AKAP13: variants seen among roughly 807,000 people sequenced by gnomAD.
AKAP13 encodes the protein A-kinase anchoring protein 13.
AKAP13 carries 80 observed loss-of-function variants against 264.5 expected under a neutral mutation model. That is an observed-to-expected ratio of 0.30 (90% CI 0.25 to 0.36). The LOEUF (loss-of-function observed/expected upper bound fraction) is 0.36. Among genes scored for constraint, AKAP13 ranks in the 10% least tolerant of loss-of-function variants. The pLI is 1.00. For missense variants in AKAP13, 3,712 were observed against 3,435.2 expected, an observed-to-expected ratio of 1.08 and a Z score of -2.01; for synonymous variants, 1,380 against 1,250.2, an observed-to-expected ratio of 1.10 and a Z score of -2.19.
chr15:85,622,036 G>C (rs1407735789), intron 8 of AKAP13, among the ~76,000 whole-genome samples: 1 of 152,144 alleles, frequency 6.6e-6, no homozygotes, highest in East Asian at 1.9e-4. Flanking sequence ...TTTGGTGTTA[G>C]TTTCTTTGCT....
intron 2 of AKAP13, among the ~76,000 whole-genome samples, chr15:85,491,307 C>T (rs928955385): frequency 4.0e-4 from 61 of 151,978 alleles, no homozygotes; most frequent in African/African-American, 1.4e-3. Flanking sequence ...CTTAGGGATA[C>T]TGGGATTTAT....
intron 8 of AKAP13, among the ~76,000 whole-genome samples, chr15:85,609,929 C>T (rs577925247): frequency 1.9e-4 from 29 of 152,274 alleles, no homozygotes; most frequent in African/African-American, 6.7e-4. Context: ...TGAAATTCTG[C>T]TTTTCATCTG....
chr15:85,603,556 GT>G (rs969593173), intron 8 of AKAP13, among the ~76,000 whole-genome samples: 6 of 152,140 alleles, frequency 3.9e-5, no homozygotes, highest in African/African-American at 1.4e-4. Context: ...TAGCTCCTTG[GT>G]TTTTAAACTT....
chr15:85,439,652 G>A (rs1333261196), intron 1 of AKAP13, among the ~76,000 whole-genome samples: 17 of 143,556 alleles, frequency 1.2e-4, no homozygotes, highest in Non-Finnish European at 9.1e-5. Flanking sequence ...AAAAAATGAT[G>A]AGTTCATGTC....
At chr15:85,569,456 T>C (rs200384826) in intron 5 of AKAP13, among the ~76,000 whole-genome samples, 125 of 97,552 alleles carry the variant, frequency 1.3e-3, no homozygotes, top group East Asian at 4.9e-3. Context: ...CTTTTCTTTT[T>C]TTTTTTTTTT....
chr15:85,431,973 G>C (rs2150926757), intron 1 of AKAP13, among the ~76,000 whole-genome samples: 1 of 152,212 alleles, frequency 6.6e-6, no homozygotes, highest in South Asian at 2.1e-4. Context: ...GTGCAGATCT[G>C]GGATTTGGTG....
chr15:85,531,129 G>A (rs1039136803), intron 3 of AKAP13, among the ~76,000 whole-genome samples: 6 of 152,188 alleles, frequency 3.9e-5, no homozygotes, highest in African/African-American at 1.2e-4. Flanking sequence ...CCAAAGTGCT[G>A]GGATTACAGC....
At chr15:85,703,904 GAGAC>G (rs953614407) in intron 17 of AKAP13, among the ~76,000 whole-genome samples, 2 of 150,626 alleles carry the variant, frequency 1.3e-5, no homozygotes, top group East Asian at 3.9e-4. Flanking sequence ...TTTTTTTTGA[GAGAC>G]AGGGTCTCTG....
At chr15:85,595,691 A>G (rs1297232513) in intron 8 of AKAP13, among the ~76,000 whole-genome samples, 1 of 152,158 alleles carries the variant, frequency 6.6e-6, no homozygotes, top group Non-Finnish European at 1.5e-5. Flanking sequence ...GGAGCCATTG[A>G]TATGCTTTCC....
At chr15:85,571,319 A>G (rs1174142032) in intron 5 of AKAP13, among the ~76,000 whole-genome samples, 3 of 151,950 alleles carry the variant, frequency 2.0e-5, no homozygotes, top group Non-Finnish European at 2.9e-5. Flanking sequence ...GTAGATTTCA[A>G]TGTTATTGAA....
chr15:85,408,862 A>T (rs1004528166), intron 1 of AKAP13, among the ~76,000 whole-genome samples: 1 of 151,752 alleles, frequency 6.6e-6, no homozygotes, highest in East Asian at 1.9e-4. Flanking sequence ...TTGCTGGATC[A>T]TATGGTAATT....
intron 8 of AKAP13, among the ~76,000 whole-genome samples, chr15:85,604,421 A>G (rs1323910095): frequency 6.6e-6 from 1 of 150,940 alleles, no homozygotes; most frequent in Admixed American, 6.6e-5. Flanking sequence ...TGGATAATTG[A>G]CTCAGTAATG....
At chr15:85,423,482 T>C (rs767310722) in intron 1 of AKAP13, among the ~76,000 whole-genome samples, 10 of 152,262 alleles carry the variant, frequency 6.6e-5, no homozygotes, top group Admixed American at 2.0e-4. Context: ...TGCCATCTGT[T>C]CAAGTTTTAT....
chr15:85,742,289 A>T (rs554810817), intron 35 of AKAP13, among the ~76,000 whole-genome samples: 5 of 152,346 alleles, frequency 3.3e-5, no homozygotes, highest in Non-Finnish European at 5.9e-5. Context: ...TCTGTGCCAC[A>T]TCAGAAATCA....
chr15:85,409,647 G>A (rs1429381602), intron 1 of AKAP13, among the ~76,000 whole-genome samples: 2 of 124,178 alleles, frequency 1.6e-5, no homozygotes, highest in African/African-American at 6.7e-5. Context: ...TTTTTTTTGA[G>A]ACAGAGTCTC....
At chr15:85,453,316 C>T (rs903429991) in intron 1 of AKAP13, among the ~76,000 whole-genome samples, 12 of 152,072 alleles carry the variant, frequency 7.9e-5, no homozygotes, top group Non-Finnish European at 1.5e-4. Flanking sequence ...GCTTGGAGGA[C>T]CTGCCCTGTG....
intron 26 of AKAP13, among the ~76,000 whole-genome samples, chr15:85,725,066 G>T (rs2087531208): frequency 6.6e-6 from 1 of 152,168 alleles, no homozygotes. Flanking sequence ...CTGTTGCCTG[G>T]ATCCAGCGCT....
intron 17 of AKAP13, among the ~76,000 whole-genome samples, chr15:85,697,084 G>A (rs949384136): frequency 2.0e-5 from 3 of 152,196 alleles, no homozygotes; most frequent in Admixed American, 6.5e-5. Context: ...ACAGATCCTT[G>A]AGGGACCCAG....
At chr15:85,695,345 A>G (rs998454500) in intron 17 of AKAP13, among the ~76,000 whole-genome samples, 1 of 152,204 alleles carries the variant, frequency 6.6e-6, no homozygotes, top group Non-Finnish European at 1.5e-5. Flanking sequence ...GGGAGGTTGC[A>G]GTGAGCTGAG....
Sources: allele counts gnomAD v4.1 joint callset (sites outside exome capture counted in the v4.1 genomes callset), GRCh38; gene constraint gnomAD v4.1.1; transcripts MANE v1.5; gene names NCBI Gene and HGNC (gene_info 2026-07-23, HGNC 2026-07-21).